Variants in NLGN1 observed in about 807,000 individuals in gnomAD.
NLGN1 encodes neuroligin 1.
In NLGN1, 12 loss-of-function variants were observed where a neutral mutation model predicts 65.5. The ratio of observed to expected loss-of-function variants is 0.18; its 90% CI spans 0.12 to 0.30. The LOEUF (loss-of-function observed/expected upper bound fraction) is 0.30. Ranked by LOEUF, NLGN1 falls within the 10% of genes least tolerant of loss-of-function variation. The pLI is 1.00. For synonymous variants in NLGN1, 350 were observed against 359.5 expected, an observed-to-expected ratio of 0.97 and a Z score of 0.30; for missense variants, 750 against 1,007.1, an observed-to-expected ratio of 0.74 and a Z score of 3.46.
At chr3:174,065,637 T>C (rs1175872964) in intron 4 of NLGN1, among the ~76,000 whole-genome samples, 1 of 152,080 alleles carries the variant, frequency 6.6e-6, no homozygotes, top group African/African-American at 2.4e-5. Context: ...TCTTCTGGTA[T>C]ACAAAGTTCC....
chr3:174,087,352 G>A (rs1449798537), intron 4 of NLGN1, among the ~76,000 whole-genome samples: 1 of 152,108 alleles, frequency 6.6e-6, no homozygotes, highest in Non-Finnish European at 1.5e-5. Flanking sequence ...TATATCTAGC[G>A]TGGTAATAAC....
intron 3 of NLGN1, among the ~76,000 whole-genome samples, chr3:173,618,386 G>C (rs934361117): frequency 1.3e-4 from 20 of 152,010 alleles, no homozygotes; most frequent in African/African-American, 4.1e-4. Flanking sequence ...TTGTAGAGAT[G>C]CGGTCTCCCT....
chr3:174,045,304 G>A (rs1733306451), intron 4 of NLGN1, among the ~76,000 whole-genome samples: 1 of 152,102 alleles, frequency 6.6e-6, no homozygotes, highest in African/African-American at 2.4e-5. Context: ...TACAATCATG[G>A]CAGAAGGGAA....
At chr3:173,506,208 AT>A (rs1732008088) in intron 2 of NLGN1, among the ~76,000 whole-genome samples, 1 of 152,010 alleles carries the variant, frequency 6.6e-6, no homozygotes, top group East Asian at 1.9e-4. Context: ...AGAGAAAAGA[AT>A]TTGGAGTGCT....
intron 4 of NLGN1, among the ~76,000 whole-genome samples, chr3:174,194,594 A>C (rs1025230412): frequency 6.6e-6 from 1 of 152,012 alleles, no homozygotes; most frequent in African/African-American, 2.4e-5. Flanking sequence ...TCATCAGGCT[A>C]TTTGTAGAGA....
At chr3:174,092,403 GA>G (rs1310259346) in intron 4 of NLGN1, among the ~76,000 whole-genome samples, 1 of 152,072 alleles carries the variant, frequency 6.6e-6, no homozygotes, top group Admixed American at 6.6e-5. Flanking sequence ...AAATTTTGTG[GA>G]AGATGAAATG....
chr3:173,397,928 CG>C (rs898535916), upstream of NLGN1: 2 of 152,276 alleles, frequency 1.3e-5, no homozygotes, highest in African/African-American at 4.8e-5. Flanking sequence ...GACTGTGCGG[CG>C]CTCACGCTGC....
chr3:173,999,483 A>G (rs1054775367), intron 4 of NLGN1, among the ~76,000 whole-genome samples: 2 of 152,330 alleles, frequency 1.3e-5, no homozygotes, highest in South Asian at 4.1e-4. Context: ...AACCAGAAAT[A>G]TAATTTCAAC....
chr3:173,716,145 A>G (rs1345859263), intron 3 of NLGN1, among the ~76,000 whole-genome samples: 1 of 152,172 alleles, frequency 6.6e-6, no homozygotes, highest in African/African-American at 2.4e-5. Context: ...AGCTGGCTGT[A>G]TGTAAGAGCT....
chr3:173,923,787 ATTTC>A (rs1742502997), intron 4 of NLGN1, among the ~76,000 whole-genome samples: 1 of 152,106 alleles, frequency 6.6e-6, no homozygotes, highest in African/African-American at 2.4e-5. Flanking sequence ...GTTAATTTTC[ATTTC>A]TTTCTTTTCA....
chr3:173,804,719 A>G (rs1441522933), intron 3 of NLGN1, among the ~76,000 whole-genome samples: 3 of 151,726 alleles, frequency 2.0e-5, no homozygotes, highest in African/African-American at 2.4e-5. Context: ...GAAATTTGTA[A>G]TAAAACATTA....
rs544118501 is a variant in NLGN1 at position 173,519,686 on chromosome 3, C to T, written c.-320-84593C>T. On this transcript the variant is annotated intron_variant, in intron 2 of 6. Transcript: ENST00000457714. ...ATTATTTACTGAATGCCTATATCCC[C>T]ATTGTATATTGGAGGTAACTATTTT... Among the ~76,000 whole-genome samples the T allele has an allele frequency of 2.0e-5, 3 of 152,172 alleles. No individual in the cohort carries two copies. In the South Asian group the frequency reaches 6.2e-4, roughly 32 times the overall value.
Position 174,253,442 on chromosome 3 carries a change from C to T in NLGN1, c.647-21873C>T, listed in dbSNP as rs78578296. Among the ~76,000 whole-genome samples the T allele has an allele frequency of 6.2e-3, 944 of 152,212 alleles. 10 individuals are homozygous for T. Among genetic ancestry groups the T allele is most frequent in the African/African-American group, 0.021 (889 of 41,538 alleles). ...TTGTAATATCAGTCTCTGTGCCTTC[C>T]GGTCTCAGATTCCCTCTCATTTCAC... On this transcript the variant is annotated intron_variant, in intron 4 of 6. Coordinates refer to ENST00000457714, the Ensembl canonical transcript of NLGN1.
chr3:174,164,988 A>G (rs1727239472), intron 4 of NLGN1, among the ~76,000 whole-genome samples: 2 of 151,948 alleles, frequency 1.3e-5, no homozygotes, highest in Admixed American at 6.6e-5. Context: ...TGTTTCTGTC[A>G]TCTCTGATTT....
intron 4 of NLGN1, among the ~76,000 whole-genome samples, chr3:173,900,268 T>C (rs1191237981): frequency 6.6e-6 from 1 of 152,116 alleles, no homozygotes; most frequent in Non-Finnish European, 1.5e-5. Context: ...CTTCATTTTT[T>C]AAATACTAAC....
At chr3:173,709,975 A>G (rs965502514) in intron 3 of NLGN1, among the ~76,000 whole-genome samples, 38 of 152,242 alleles carry the variant, frequency 2.5e-4, no homozygotes, top group African/African-American at 8.9e-4. Context: ...TTAAAGGTAT[A>G]AATACTAATG....
intron 2 of NLGN1, among the ~76,000 whole-genome samples, chr3:173,590,719 A>C (rs1748342516): frequency 6.6e-6 from 1 of 152,224 alleles, no homozygotes; most frequent in African/African-American, 2.4e-5. Context: ...ATGTATAATC[A>C]GTAGTTATTT....
chr3:173,795,886 ACAAT>A lies in NLGN1; in HGVS notation c.494-11791_494-11788del, dbSNP rs1713944769. ...GTAAAAATGGCCTTAGGGATGCTTT[ACAAT>A]CAGTTTACTTCAAAGACTGCTGGGT... On this transcript the variant is annotated intron_variant, in intron 3 of 6. Transcript: ENST00000457714. Among the ~76,000 whole-genome samples the A allele has an allele frequency of 2.0e-5, 3 of 152,240 alleles. No homozygotes were observed. The South Asian group carries it at 6.2e-4, about 32-fold the overall frequency.
At chr3:173,804,091 A>G (rs1716088385) in intron 3 of NLGN1, among the ~76,000 whole-genome samples, 1 of 152,210 alleles carries the variant, frequency 6.6e-6, no homozygotes, top group Non-Finnish European at 1.5e-5. Context: ...ACATTGGCTT[A>G]AAATTTTGGT....
Sources: allele counts gnomAD v4.1 joint callset (sites outside exome capture counted in the v4.1 genomes callset), GRCh38; gene constraint gnomAD v4.1.1; transcripts MANE v1.5; gene names NCBI Gene and HGNC (gene_info 2026-07-23, HGNC 2026-07-21).